The following GPR75 variants were observed in gnomAD, a reference collection of about 807,000 sequenced individuals.
GPR75 encodes probable G protein-coupled receptor 75.
In GPR75, 27 loss-of-function variants were observed where a neutral mutation model predicts 26.0. The ratio of observed to expected loss-of-function variants is 1.04; its 90% CI spans 0.77 to 1.43. GPR75 has a LOEUF of 1.43. Ranked by LOEUF, GPR75 falls within the 40% of genes most tolerant of loss-of-function variation. The probability of loss-of-function intolerance (pLI) is 0.00; values close to 1 mark genes in which losing one functional copy is unlikely to be tolerated. For synonymous variants in GPR75, 285 were observed against 256.3 expected, an observed-to-expected ratio of 1.11 and a Z score of -1.07; for missense variants, 699 against 662.3, an observed-to-expected ratio of 1.06 and a Z score of -0.61.
chr2:53,853,385 G>A lies in GPR75; in HGVS notation c.1372C>T (p.Pro458Ser), dbSNP rs150546965. The A allele has an allele frequency of 1.4e-4, 231 of 1,614,120 alleles. No homozygotes were observed. In the East Asian group the frequency reaches 4.3e-3, roughly 30 times the overall value. ...TGTTGATGTCCAGCAGAGATCTTGG[G>A]ACTCACCATACTTTCTTTTGAATGA... ...PSHSKESMVS[P>S]KISAGHQHCG... The change falls in exon 2 of 2, where the codon CCC (proline) becomes TCC (serine). Residue 458 changes from proline to serine, a missense_variant. Transcript: ENST00000394705.
At chr2:53,857,648 T>G (rs1325438233) in intron 1 of GPR75, among the ~76,000 whole-genome samples, 2 of 151,974 alleles carry the variant, frequency 1.3e-5, no homozygotes. Flanking sequence ...TAGTCAAGAA[T>G]AGGAGGCAGG....
At position 53,854,340 on chromosome 2, in the gene GPR75, G is replaced by A. The variant is rs373395317; in HGVS notation, c.417C>T (p.Ile139=). The change falls in exon 2 of 2, where the codon ATC becomes ATT. Residue 139 remains isoleucine (I), a synonymous_variant. Coordinates refer to ENST00000394705, the MANE Select transcript of GPR75 (RefSeq NM_006794.4). ...IIMSLKTVAV[I]ALHRLRMVLG... ...ACACCATCCGGAGCCGGTGCAGGGCGATCACTGCCACTGTCTTCAGAGACA... is the reference window on the plus strand; with the variant it reads ...ACACCATCCGGAGCCGGTGCAGGGCAATCACTGCCACTGTCTTCAGAGACA... 2.9e-5 allele frequency: 46 copies of A among 1,613,916 alleles called. No homozygotes were observed. The highest frequency in any genetic ancestry group is 6.7e-5 in the African/African-American group (5 of 74,890).
chr2:53,854,745 T>C lies in GPR75; in HGVS notation c.12A>G (p.Thr4=). ...CATTGGGGGCATCCTGAAGGTGGCC[T>C]GTTGAGTTCATTTTCGGAGAGAAAT... MNS[T]GHLQDAPNAT... Residue 4 remains threonine (T), a synonymous_variant, in exon 2 of 2, where the codon ACA becomes ACG. Transcript: ENST00000394705. 1 of 1,610,498 alleles carries C rather than the reference T, an allele frequency of 6.2e-7. No homozygotes were observed. The highest frequency in any genetic ancestry group is 8.5e-7 in the Non-Finnish European group (1 of 1,177,748).
At chr2:53,859,370 G>A (rs1223052038) in intron 1 of GPR75, among the ~76,000 whole-genome samples, 3 of 152,106 alleles carry the variant, frequency 2.0e-5, no homozygotes, top group African/African-American at 7.2e-5. Context: ...CAGCTAATGG[G>A]ATGGGAAGAC....
rs1489240420 is a variant in GPR75 at position 53,852,919 on chromosome 2, A to T, written c.*215T>A. The T allele has an allele frequency of 1.9e-6, 1 of 518,080 alleles. No homozygotes were observed. The highest frequency in any genetic ancestry group is 3.4e-5 in the Admixed American group (1 of 29,710). 32.1% of individuals were successfully genotyped at this position (518,080 alleles called of 1,614,324 possible). On this transcript the variant is annotated 3_prime_UTR_variant, in exon 2 of 2. Coordinates refer to ENST00000394705, the MANE Select transcript of GPR75 (RefSeq NM_006794.4). ...AAAAGACTGAGGCAAAGAGCAGGGT[A>T]AAAAATCTAAAACTTTCACATCAAA... is the stretch of plus-strand genomic sequence containing the variant.
Position 53,853,090 on chromosome 2 carries a change from A to C in GPR75, c.*44T>G. On this transcript the variant is annotated 3_prime_UTR_variant, in exon 2 of 2. Coordinates refer to ENST00000394705, the MANE Select transcript of GPR75 (RefSeq NM_006794.4). ...AGTTAGAATAAAGTCCATTACTATC[A>C]GAAACAAAAACTGTTTACATAAGAT... is the stretch of plus-strand genomic sequence containing the variant. The C allele has an allele frequency of 7.1e-7, 1 of 1,415,794 alleles. No individual in the cohort carries two copies. Among genetic ancestry groups the C allele is most frequent in the South Asian group, 1.3e-5 (1 of 78,740 alleles). 87.7% of individuals were successfully genotyped at this position (1,415,794 alleles called of 1,614,324 possible).
chr2:53,854,825 G>T lies in GPR75; in HGVS notation c.-69C>A. 1.6e-6 allele frequency: 2 copies of T among 1,240,486 alleles called. No individual in the cohort carries two copies. The highest frequency in any genetic ancestry group is 2.3e-5 in the East Asian group (1 of 43,044). 76.8% of individuals were successfully genotyped at this position (1,240,486 alleles called of 1,614,324 possible). On this transcript the variant is annotated 5_prime_UTR_variant, in exon 2 of 2. It adds an upstream start codon to the 5' untranslated region. Coordinates refer to ENST00000394705, the MANE Select transcript of GPR75 (RefSeq NM_006794.4). ...CAGTGAGTCAGGGCCTCAGCTCACA[G>T]ATGAGCAATATGTGACAAAAGAGGC...
At position 53,853,879 on chromosome 2, in the gene GPR75, T is replaced by A. The variant is rs1678156185; in HGVS notation, c.878A>T (p.Asn293Ile). Residue 293 changes from asparagine to isoleucine, a missense_variant, in exon 2 of 2, where the codon AAC becomes ATC. Asn to Ile is a moderately radical substitution (Grantham distance 149). Transcript: ENST00000394705. ...GCTTGCTGCAGGGGTGACCAGTTGG[T>A]TGGGACTCTTGGTATATCCACGGGT... ...VQTRGYTKSP[N>I]QLVTPAASRL... is the part of the protein sequence containing the mutation. 6.2e-7 allele frequency: 1 copy of A among 1,613,808 alleles called. No individual in the cohort carries two copies. Among genetic ancestry groups the A allele is most frequent in the Non-Finnish European group, 8.5e-7 (1 of 1,179,986 alleles).
At chr2:53,858,965 T>C (rs1321940900) in intron 1 of GPR75, among the ~76,000 whole-genome samples, 1 of 151,700 alleles carries the variant, frequency 6.6e-6, no homozygotes, top group Non-Finnish European at 1.5e-5. Flanking sequence ...AAATGAGACA[T>C]CCTGAAGTAA....
At position 53,854,194 on chromosome 2, in the gene GPR75, A is replaced by G. The variant is rs1000847586; in HGVS notation, c.563T>C (p.Leu188Pro). The G allele has an allele frequency of 1.9e-6, 3 of 1,614,056 alleles. No homozygotes were observed. The African/African-American group carries it at 4.0e-5, about 22-fold the overall frequency. The change falls in exon 2 of 2, where the codon CTC becomes CCC. Residue 188 changes from leucine to proline, a missense_variant. By Grantham distance (98) the Leu-to-Pro change is moderately conservative. Transcript: ENST00000394705. ...LATLKTSKSH[L>P]CLPMSSLIAG... ...AATCAGACTGGACATGGGAAGACAG[A>G]GGTGGGACTTGCTGGTTTTCAAGGT...
At position 53,854,689 on chromosome 2, in the gene GPR75, T is replaced by C; in HGVS notation, c.68A>G (p.Glu23Gly). ...CTCCTGGAGAGAGGTGCTGTTTCCT[T>C]CCTGTGAGTGAGGCACATGGAGCGA... The part of the protein sequence containing the change: ...ATSLHVPHSQ[E>G]GNSTSLQEGL... The change falls in exon 2 of 2, where the codon GAA becomes GGA. Residue 23 changes from glutamate (E) to glycine (G), a missense_variant. Transcript: ENST00000394705. 1 of 1,614,044 alleles carries C rather than the reference T, an allele frequency of 6.2e-7. No individual in the cohort carries two copies.
At chr2:53,858,968 T>C (rs530022179) in intron 1 of GPR75, among the ~76,000 whole-genome samples, 15 of 151,834 alleles carry the variant, frequency 9.9e-5, no homozygotes, top group Admixed American at 9.9e-4. Context: ...TGAGACATCC[T>C]GAAGTAACTA....
rs142713765 is a variant in GPR75, at chr2:53,853,764, C to A, written c.993G>T (p.Leu331=). The stretch of plus-strand genomic sequence containing the variant: ...AAATCCCCAGTGGAAGACAGCACAC[C>A]AGGACTGACAGCACAATGATCACAC... ...VTCVIIVLSV[L]VCCLPLGISL... The change falls in exon 2 of 2, where the codon CTG becomes CTT. Residue 331 remains leucine (L), a synonymous_variant. Coordinates refer to ENST00000394705, the MANE Select transcript of GPR75 (RefSeq NM_006794.4). 1.2e-6 allele frequency: 2 copies of A among 1,614,136 alleles called. No homozygotes were observed. The highest frequency in any genetic ancestry group is 1.3e-5 in the African/African-American group (1 of 75,036).
Position 53,854,243 on chromosome 2 carries a change from T to C in GPR75, c.514A>G (p.Ser172Gly). 1 of 1,614,024 alleles carries C rather than the reference T, an allele frequency of 6.2e-7. No homozygotes were observed. Residue 172 changes from serine to glycine, a missense_variant, in exon 2 of 2, where the codon AGT becomes GGT. Coordinates refer to ENST00000394705, the MANE Select transcript of GPR75 (RefSeq NM_006794.4). ...VLLTLLLWAT[S>G]FTLATLATLK... The stretch of plus-strand genomic sequence containing the variant: ...GTAGCCAAGGTGGCAAGGGTGAAAC[T>C]GGTGGCCCAGAGAAGCAGGGTGAGG...
chr2:53,853,173 G>A lies in GPR75; in HGVS notation c.1584C>T (p.Asp528=). ...HTTNDLVQEY[D]STSAKQIPVP... Reference sequence around the variant, plus strand: ...CTGGAATCTGCTTGGCTGAAGTGCTGTCATATTCCTGCACTAAGTCATTAG... The same window carrying A: ...CTGGAATCTGCTTGGCTGAAGTGCTATCATATTCCTGCACTAAGTCATTAG... Residue 528 remains aspartate (D), a synonymous_variant, in exon 2 of 2, where the codon GAC becomes GAT. Transcript: ENST00000394705. 6.2e-7 allele frequency: 1 copy of A among 1,613,888 alleles called. No individual in the cohort carries two copies. Among genetic ancestry groups the A allele is most frequent in the Non-Finnish European group, 8.5e-7 (1 of 1,179,766 alleles).
At position 53,853,268 on chromosome 2, in the gene GPR75, G is replaced by C. The variant is rs1243878325; in HGVS notation, c.1489C>G (p.Pro497Ala). 22 of 1,613,970 alleles carry C rather than the reference G, an allele frequency of 1.4e-5. No individual in the cohort carries two copies. Among genetic ancestry groups the C allele is most frequent in the Non-Finnish European group, 1.9e-5 (22 of 1,179,990 alleles). ...NSSPSQEESS[P>A]CNLQPVNSFG... ...GAGTTTACTGGCTGTAAGTTACATG[G>C]GCTGCTCTCCTCCTGGGAAGGGCTG... Residue 497 changes from proline to alanine, a missense_variant, in exon 2 of 2, where the codon CCA becomes GCA. Physicochemically the swap from Pro to Ala is conservative, Grantham distance 27. Coordinates refer to ENST00000394705, the MANE Select transcript of GPR75 (RefSeq NM_006794.4).
rs1286304800 is a variant in GPR75 at position 53,854,699 on chromosome 2, G to C, written c.58C>G (p.His20Asp). Residue 20 changes from histidine (H) to aspartate (D), a missense_variant, in exon 2 of 2, where the codon CAC becomes GAC. Transcript: ENST00000394705. The stretch of plus-strand genomic sequence containing the variant: ...GAGGTGCTGTTTCCTTCCTGTGAGT[G>C]AGGCACATGGAGCGAGGTGGCATTG... The part of the protein sequence containing the change: ...APNATSLHVP[H>D]SQEGNSTSLQ... 3.5e-5 allele frequency: 57 copies of C among 1,613,960 alleles called. No individual in the cohort carries two copies. Among genetic ancestry groups the C allele is most frequent in the Non-Finnish European group, 4.7e-5 (56 of 1,179,984 alleles).
intron 1 of GPR75, 91 bp downstream of exon 1, chr2:53,859,737 C>A: frequency 3.1e-6 from 3 of 982,138 alleles, no homozygotes; most frequent in Non-Finnish European, 4.4e-6. Flanking sequence ...CCTGGCCCAG[C>A]GCAGCCGCGC....
intron 1 of GPR75, among the ~76,000 whole-genome samples, chr2:53,857,064 C>T (rs982219609): frequency 1.4e-5 from 2 of 143,072 alleles, no homozygotes; most frequent in Admixed American, 7.4e-5. Flanking sequence ...CCCGGGTTCA[C>T]GCCATTCTCC....
Sources: gnomAD v4.1 joint callset for allele counts (sites outside exome capture counted in the v4.1 genomes callset) on GRCh38, gnomAD v4.1.1 for gene constraint, MANE v1.5 for transcripts, NCBI Gene and HGNC (gene_info 2026-07-23, HGNC 2026-07-21) for gene names.